Variants in C10orf67 observed in about 807,000 individuals in gnomAD.
C10orf67 encodes uncharacterized protein C10orf67, mitochondrial.
C10orf67 carries 60 observed loss-of-function variants against 35.6 expected under a neutral mutation model. The observed-to-expected ratio is 1.68, with a 90% CI of 1.37 to 2.09. The LOEUF is 2.09. C10orf67 is among the 30% of genes most tolerant of loss of function. The probability of loss-of-function intolerance (pLI) is 0.00; values close to 1 mark genes in which losing one functional copy is unlikely to be tolerated. For missense variants in C10orf67, 474 were observed against 330.2 expected, an observed-to-expected ratio of 1.44 and a Z score of -3.38; for synonymous variants, 167 against 115.8, an observed-to-expected ratio of 1.44 and a Z score of -2.84.
At chr10:23,250,732 AAT>A in intron 10 of C10orf67, 41 bp from the exon 11 acceptor site, 1 of 398,294 alleles carries the variant, frequency 2.5e-6, no homozygotes, top group South Asian at 1.3e-4. Flanking sequence ...TTACACAAAC[AAT>A]ATATCTTGTT....
chr10:23,289,848 G>C, intron 7 of C10orf67, 52 bp downstream of exon 7: 1 of 707,930 alleles, frequency 1.4e-6, no homozygotes, highest in East Asian at 2.7e-5. Context: ...GGCCAATTGC[G>C]CCTATAGTTC....
At chr10:23,257,811 T>A (rs1213768132) in intron 10 of C10orf67, among the ~76,000 whole-genome samples, 4 of 147,740 alleles carry the variant, frequency 2.7e-5, no homozygotes, top group Admixed American at 1.4e-4. Context: ...TTTTTTTTTT[T>A]AAATAAAAGA....
chr10:23,336,551 G>A (rs1373368150), intron 1 of C10orf67, among the ~76,000 whole-genome samples: 2 of 152,098 alleles, frequency 1.3e-5, no homozygotes, highest in Non-Finnish European at 2.9e-5. Context: ...GTCTTGCTTT[G>A]TCACCCAGGC....
chr10:23,231,316 T>A (rs1229145985), intron 13 of C10orf67, among the ~76,000 whole-genome samples: 5 of 152,206 alleles, frequency 3.3e-5, no homozygotes, highest in Admixed American at 3.3e-4. Flanking sequence ...CTGGGTCATA[T>A]CCTTAAGGAT....
Position 23,256,757 on chromosome 10 carries a change from C to T in C10orf67, c.1201-6066G>A, listed in dbSNP as rs544966102. On this transcript the variant is annotated intron_variant, in intron 10 of 15. Transcript: ENST00000636213. Reference sequence around the variant, plus strand: ...GGCAGAGCAATTTTGAAAGGAGTCTCTGTTGATGGTGCAGACTTGAGGAGG... The same window carrying T: ...GGCAGAGCAATTTTGAAAGGAGTCTTTGTTGATGGTGCAGACTTGAGGAGG... Among the ~76,000 whole-genome samples, 28 of 151,992 alleles carry T rather than the reference C, an allele frequency of 1.8e-4. No homozygotes were observed. The South Asian group carries it at 5.4e-3, about 29-fold the overall frequency.
At chr10:23,246,723 T>C (rs1302685793) in intron 12 of C10orf67, among the ~76,000 whole-genome samples, 2 of 152,216 alleles carry the variant, frequency 1.3e-5, no homozygotes, top group Non-Finnish European at 2.9e-5. Context: ...TAGGCTAGTG[T>C]GTGTGTTTGT....
Position 23,318,993 on chromosome 10 carries a change from C to T in C10orf67, c.546+1748G>A, listed in dbSNP as rs151129878. The stretch of plus-strand genomic sequence containing the variant: ...AAAAGAAAGGGTCTTCCATGAGAAC[C>T]CTTTTTTTTCTTTCCAATTTTTGTT... On this transcript the variant is annotated intron_variant, in intron 4 of 15. Transcript: ENST00000636213. The T allele has an allele frequency of 1.3e-4, 92 of 721,180 alleles. No individual in the cohort carries two copies. The African/African-American group carries it at 1.6e-3, about 12-fold the overall frequency. 44.7% of individuals were successfully genotyped at this position (721,180 alleles called of 1,614,324 possible). A position where few individuals can be genotyped will look rare whatever the true frequency, so the allele number is the denominator to read the frequency against.
intron 10 of C10orf67, among the ~76,000 whole-genome samples, chr10:23,252,681 AC>A (rs758545630): frequency 1.4e-4 from 21 of 152,240 alleles, no homozygotes; most frequent in Admixed American, 7.2e-4. Context: ...GATTCTATTC[AC>A]TAAGAACAAA....
chr10:23,322,410 T>C lies in C10orf67; in HGVS notation c.455A>G (p.Glu152Gly). The change falls in exon 3 of 16, where the codon GAA (glutamate) becomes GGA (glycine). Residue 152 changes from glutamate to glycine, a missense_variant. Transcript: ENST00000636213. ...TILHDRILEI[E>G]KHYQQNEDKM... is the part of the protein sequence containing the mutation. ...AACATTTACCTGTTGATAATGCTTT[T>C]CAATTTCTAGGATCCTGTCATGCAG... The C allele has an allele frequency of 1.9e-6, 3 of 1,609,770 alleles. No homozygotes were observed. The highest frequency in any genetic ancestry group is 2.6e-6 in the Non-Finnish European group (3 of 1,176,356).
At chr10:23,284,141 A>T (rs1017197714) in intron 7 of C10orf67, among the ~76,000 whole-genome samples, 3 of 146,960 alleles carry the variant, frequency 2.0e-5, no homozygotes, top group Non-Finnish European at 4.5e-5. Flanking sequence ...GGGTGGGGGG[A>T]ACACGTGGTT....
At chr10:23,301,266 G>A (rs953634552) in intron 5 of C10orf67, among the ~76,000 whole-genome samples, 5 of 151,960 alleles carry the variant, frequency 3.3e-5, no homozygotes, top group South Asian at 4.2e-4. Context: ...GTCGGCCCTC[G>A]GCTTCCCCAA....
chr10:23,235,730 T>G (rs2132129870), intron 13 of C10orf67, among the ~76,000 whole-genome samples: 1 of 152,282 alleles, frequency 6.6e-6, no homozygotes, highest in African/African-American at 2.4e-5. Flanking sequence ...GAATGACCAA[T>G]CAGCACATGA....
chr10:23,307,937 AGAGTATT>A (rs758210803), intron 4 of C10orf67, among the ~76,000 whole-genome samples: 1 of 152,162 alleles, frequency 6.6e-6, no homozygotes, highest in Non-Finnish European at 1.5e-5. Flanking sequence ...TTTTTAAACA[AGAGTATT>A]GATTATGTAT....
At chr10:23,299,932 C>A (rs934421305) in intron 5 of C10orf67, among the ~76,000 whole-genome samples, 1 of 151,084 alleles carries the variant, frequency 6.6e-6, no homozygotes, top group African/African-American at 2.4e-5. Flanking sequence ...GAGCCAAGAT[C>A]GCGCCACTGC....
rs1011729838 is a variant in C10orf67, at chr10:23,203,101, C to A, written c.*1072G>T. 1 of 152,178 alleles carries A rather than the reference C, an allele frequency of 6.6e-6. No homozygotes were observed. The highest frequency in any genetic ancestry group is 1.5e-5 in the Non-Finnish European group (1 of 68,042). The allele number at this position is 152,178 out of a possible 1,614,324, so 9.4% of individuals were successfully genotyped here. A position where few individuals can be genotyped will look rare whatever the true frequency, so the allele number is the denominator to read the frequency against. On this transcript the variant is annotated 3_prime_UTR_variant, in exon 16 of 16. Coordinates refer to ENST00000636213, the MANE Select transcript of C10orf67 (RefSeq NM_001371909.1). ...CTGATGGGAGGAAATTTGAAAGAAG[C>A]GCCAAACTGTGTAACTGTAATTCAG... is the stretch of plus-strand genomic sequence containing the variant.
chr10:23,209,464 A>G (rs368505639), intron 15 of C10orf67, among the ~76,000 whole-genome samples: 7 of 152,168 alleles, frequency 4.6e-5, no homozygotes, highest in African/African-American at 1.4e-4. Flanking sequence ...GATCTAATGT[A>G]CAGCAGAGTA....
At chr10:23,263,078 T>A (rs970583134) in intron 10 of C10orf67, among the ~76,000 whole-genome samples, 2 of 152,204 alleles carry the variant, frequency 1.3e-5, no homozygotes, top group Admixed American at 1.3e-4. Flanking sequence ...GATTGTCCTA[T>A]CTCTGTATTA....
intron 1 of C10orf67, among the ~76,000 whole-genome samples, chr10:23,336,164 A>G (rs1845673240): frequency 6.6e-6 from 1 of 152,218 alleles, no homozygotes; most frequent in Admixed American, 6.5e-5. Flanking sequence ...ACATTGAATG[A>G]GTAAGTAAAT....
chr10:23,241,678 T>G lies in C10orf67; in HGVS notation c.1347-1862A>C, dbSNP rs186480914. ...GCCCAATGTAATCACAAGGGTTTTTTTTAAAGAAGGAAGCAGGAGGATCAG... is the reference window on the plus strand; with the variant it reads ...GCCCAATGTAATCACAAGGGTTTTTGTTAAAGAAGGAAGCAGGAGGATCAG... On this transcript the variant is annotated intron_variant, in intron 12 of 15. Transcript: ENST00000636213. Among the ~76,000 whole-genome samples the G allele has an allele frequency of 3.1e-3, 465 of 152,260 alleles. 4 individuals carry two copies. Among genetic ancestry groups the G allele is most frequent in the African/African-American group, 0.011 (443 of 41,550 alleles).
Sources: gnomAD v4.1 joint callset for allele counts (sites outside exome capture counted in the v4.1 genomes callset) on GRCh38, gnomAD v4.1.1 for gene constraint, MANE v1.5 for transcripts, NCBI Gene and HGNC (gene_info 2026-07-23, HGNC 2026-07-21) for gene names.